Variants in FMNL3 observed in about 807,000 individuals in gnomAD.
The protein encoded by FMNL3 is formin-like protein 3.
Under a neutral mutation model 119.6 loss-of-function variants are expected in FMNL3, and 57 were observed. The ratio of observed to expected loss-of-function variants is 0.48; its 90% CI spans 0.39 to 0.59. FMNL3 has a LOEUF of 0.59. Ranked by LOEUF, FMNL3 falls within the 20% of genes least tolerant of loss-of-function variation. The probability of loss-of-function intolerance (pLI) is 0.00; values close to 1 mark genes in which losing one functional copy is unlikely to be tolerated. For synonymous variants in FMNL3, 491 were observed against 507.3 expected (o/e 0.97, Z 0.43); for missense variants, 1,053 against 1,323.5 (o/e 0.80, Z 3.17).
In FMNL3 at chr12:49,636,608, G is replaced by A; in HGVS notation, c.*9207C>T. On this transcript the variant is annotated 3_prime_UTR_variant, in exon 26 of 26. Transcript: ENST00000335154. ...TCCAGGCCCTTCCCCCACCACCCTGGGTATCCCTAGCACCTGTAGGACAGC... is the reference window on the plus strand; with the variant it reads ...TCCAGGCCCTTCCCCCACCACCCTGAGTATCCCTAGCACCTGTAGGACAGC... 6.7e-7 allele frequency: 1 copy of A among 1,497,650 alleles called. No homozygotes were observed. The highest frequency in any genetic ancestry group is 9.1e-7 in the Non-Finnish European group (1 of 1,095,800). The allele number at this position is 1,497,650 out of a possible 1,614,324, so 92.8% of individuals were successfully genotyped here.
At position 49,656,422 on chromosome 12, in the gene FMNL3, G is replaced by C; in HGVS notation, c.867C>G (p.Ala289=). 2 of 1,613,982 alleles carry C rather than the reference G, an allele frequency of 1.2e-6. No homozygotes were observed. Among genetic ancestry groups the C allele is most frequent in the South Asian group, 1.1e-5 (1 of 91,056 alleles). ...GACTGACCTCTTTGAAATTGTCAAA[G>C]GCAGCAAGGATGATTTCGTGACCTC... The part of the protein sequence containing the change: ...VRGGHEIILA[A]FDNFKEVCKE... The change falls in exon 9 of 26, where the codon GCC becomes GCG. Residue 289 remains alanine (A), a synonymous_variant. Coordinates refer to ENST00000335154, the MANE Select transcript of FMNL3 (RefSeq NM_175736.5).
chr12:49,706,876 GGGCTGTCCGGGCCGGCCAGC>G (rs1380769992), intron 1 of FMNL3, among the ~76,000 whole-genome samples, 159 bp downstream of exon 1: 3 of 152,150 alleles, frequency 2.0e-5, no homozygotes, highest in Non-Finnish European at 4.4e-5. Context: ...ATCCCCGACG[GGGCTGTCCGGGCCGGCCAGC>G]GGCTGCTCAG....
intron 1 of FMNL3, among the ~76,000 whole-genome samples, chr12:49,672,247 T>C (rs1184079308): frequency 6.6e-6 from 1 of 152,122 alleles, no homozygotes; most frequent in Non-Finnish European, 1.5e-5. Flanking sequence ...CTGCTCTGGC[T>C]TCCTCTAAGA....
rs757375844 is a variant in FMNL3, at chr12:49,657,191, C to G, written c.606-1G>C. The G allele has an allele frequency of 3.1e-6, 5 of 1,613,170 alleles. No individual in the cohort carries two copies. The Admixed American group carries it at 8.3e-5, about 27-fold the overall frequency. On this transcript the variant is annotated splice_acceptor_variant, in intron 6 of 25. Transcript: ENST00000335154. LOFTEE classifies it high-confidence loss of function. The stretch of plus-strand genomic sequence containing the variant: ...CCTGCGCCCAGGGAGAGTGCTATAC[C>G]TGGGGAGATGGGCCAGGCAGTCAGG...
At chr12:49,669,266 A>C (rs1943976018) in intron 1 of FMNL3, among the ~76,000 whole-genome samples, 1 of 152,222 alleles carries the variant, frequency 6.6e-6, no homozygotes, top group Non-Finnish European at 1.5e-5. Context: ...CCTCCCAATT[A>C]ATTAAGACAC....
In FMNL3 at chr12:49,643,152, C is replaced by G; in HGVS notation, c.*2663G>C. ...TTGGCCCTGGGTCCTCCTCCTCTCT[C>G]GAATTCCCAGACGAGGGCTTCTGGA... is the stretch of plus-strand genomic sequence containing the variant. On this transcript the variant is annotated 3_prime_UTR_variant, in exon 26 of 26. Coordinates refer to ENST00000335154, the MANE Select transcript of FMNL3 (RefSeq NM_175736.5). The G allele has an allele frequency of 6.3e-7, 1 of 1,596,674 alleles. No homozygotes were observed. Among genetic ancestry groups the G allele is most frequent in the Non-Finnish European group, 8.6e-7 (1 of 1,167,576 alleles).
At chr12:49,655,887 A>T (rs915886820) in intron 9 of FMNL3, among the ~76,000 whole-genome samples, 1 of 152,198 alleles carries the variant, frequency 6.6e-6, no homozygotes, top group African/African-American at 2.4e-5. Context: ...AGGCAGGCCC[A>T]GGGGCTGGGG....
rs374502975 is a variant in FMNL3 at position 49,657,121 on chromosome 12, G to A, written c.675C>T (p.His225=). The change falls in exon 7 of 26, where the codon CAC becomes CAT. Residue 225 remains histidine, a synonymous_variant. Transcript: ENST00000335154. The part of the protein sequence containing the change: ...SRLVSQKDDV[H]VCILCLRAIM... ...TGGCTCTGAGACAAAGGATACAGAC[G>A]TGGACGTCATCCTTCTGGCTCACTA... The A allele has an allele frequency of 2.9e-5, 47 of 1,614,024 alleles. No homozygotes were observed. The highest frequency in any genetic ancestry group is 3.5e-5 in the Non-Finnish European group (41 of 1,180,034).
rs375064273 is a variant in FMNL3, at chr12:49,655,814, G to T, written c.885+590C>A. The stretch of plus-strand genomic sequence containing the variant: ...GAAGAGGTCCAAAGAAGAGGAAGGG[G>T]TGGGACCACCAGCTGTGGCTGGATG... On this transcript the variant is annotated intron_variant, in intron 9 of 25. Transcript: ENST00000335154. 3.9e-5 allele frequency among the ~76,000 whole-genome samples: 6 copies of T among 152,132 alleles called. No individual in the cohort carries two copies. The East Asian group carries it at 1.2e-3, about 29-fold the overall frequency.
rs370526759 is a variant in FMNL3, at chr12:49,707,127, C to G, written c.54G>C (p.Pro18=). The change falls in exon 1 of 26, where the codon CCG becomes CCC. Residue 18 remains proline, a synonymous_variant. Transcript: ENST00000335154. ...EGVPGEPPSV[P]LLLPPGKMPM... ...GCATCTTGCCGGGCGGCAGCAACAA[C>G]GGGACAGAGGGGGGCTCTCCCGGGA... 1.9e-6 allele frequency: 3 copies of G among 1,604,866 alleles called. No homozygotes were observed. Among genetic ancestry groups the G allele is most frequent in the East Asian group, 2.3e-5 (1 of 44,032 alleles).
chr12:49,681,057 C>G (rs1471448277), intron 1 of FMNL3, among the ~76,000 whole-genome samples: 1 of 152,252 alleles, frequency 6.6e-6, no homozygotes, highest in African/African-American at 2.4e-5. Flanking sequence ...CTGAGTGAAA[C>G]CAGCTGAACC....
At chr12:49,671,015 T>C (rs1944030261) in intron 1 of FMNL3, among the ~76,000 whole-genome samples, 1 of 152,222 alleles carries the variant, frequency 6.6e-6, no homozygotes. Flanking sequence ...GTCTGTGCCA[T>C]GAAAATAGTT....
rs983685856 is a variant in FMNL3 at position 49,643,927 on chromosome 12, G to C, written c.*1888C>G. On this transcript the variant is annotated 3_prime_UTR_variant, in exon 26 of 26. Coordinates refer to ENST00000335154, the MANE Select transcript of FMNL3 (RefSeq NM_175736.5). ...CAAGGAGAGCGATGAGAAAGAACAA[G>C]AACAGGACAAGGACAGGGAGCTCCA... 2.5e-6 allele frequency: 4 copies of C among 1,614,086 alleles called. No individual in the cohort carries two copies. In the African/African-American group the frequency reaches 4.0e-5, roughly 16 times the overall value.
At chr12:49,669,308 T>C (rs143175026) in intron 1 of FMNL3, among the ~76,000 whole-genome samples, 198 of 152,308 alleles carry the variant, frequency 1.3e-3, no homozygotes, top group South Asian at 0.011. Flanking sequence ...GGCAAGCCAC[T>C]CTAATACAGG....
At chr12:49,646,054 G>A in intron 25 of FMNL3, 151 bp from the exon 26 acceptor site, 1 of 640,622 alleles carries the variant, frequency 1.6e-6, no homozygotes, top group Middle Eastern at 4.2e-4. Flanking sequence ...TACCCAGTTG[G>A]GGAAATTGCT....
chr12:49,668,616 T>C, intron 1 of FMNL3, 62 bp from the exon 2 acceptor site: 1 of 1,455,076 alleles, frequency 6.9e-7, no homozygotes, highest in Non-Finnish European at 9.6e-7. Context: ...AGAGAAAGAC[T>C]AGACTGCCCA....
rs543045643 is a variant in FMNL3 at position 49,643,369 on chromosome 12, C to G, written c.*2446G>C. ...GGGGTGCTGCCCTTGGAGGACGGGG[C>G]TCCCCTTCCTCCCATCTTCTTGGAG... On this transcript the variant is annotated 3_prime_UTR_variant, in exon 26 of 26. Coordinates refer to ENST00000335154, the MANE Select transcript of FMNL3 (RefSeq NM_175736.5). The G allele has an allele frequency of 1.9e-6, 3 of 1,572,170 alleles. No homozygotes were observed. The South Asian group carries it at 3.5e-5, about 19-fold the overall frequency.
At position 49,649,467 on chromosome 12, in the gene FMNL3, C is replaced by T. The variant is rs200723776; in HGVS notation, c.2304+3G>A. 1.7e-4 allele frequency: 281 copies of T among 1,614,130 alleles called. No individual in the cohort carries two copies. The highest frequency in any genetic ancestry group is 2.1e-4 in the Non-Finnish European group (245 of 1,180,032). ...AGCACCCCTGTTCACAACCTCTTCC[C>T]ACCTCCAACATCTGCTTCAGCTTCT... On this transcript the variant is annotated splice_donor_region_variant and intron_variant, in intron 19 of 25. Transcript: ENST00000335154. This position sits in a 1 kb window ranked among gnomAD's most constrained non-coding sequence, Gnocchi z 5.6.
intron 1 of FMNL3, among the ~76,000 whole-genome samples, chr12:49,669,062 G>A (rs1194883696): frequency 7.6e-6 from 1 of 131,722 alleles, no homozygotes; most frequent in African/African-American, 3.4e-5. Flanking sequence ...CCATTCCCAT[G>A]GGCAAATCCT....
Sources: gnomAD v4.1 joint callset for allele counts (sites outside exome capture counted in the v4.1 genomes callset) on GRCh38, gnomAD v4.1.1 for gene constraint, Gnocchi (gnomAD v3.1) non-coding constraint, MANE v1.5 for transcripts, NCBI Gene and HGNC (gene_info 2026-07-23, HGNC 2026-07-21) for gene names.